RPS6KC1: variants seen among roughly 807,000 people sequenced by gnomAD.
RPS6KC1 encodes the protein ribosomal protein S6 kinase C1, also known as inactive ribosomal protein S6 kinase delta-1.
RPS6KC1 carries 54 observed loss-of-function variants against 103.8 expected under a neutral mutation model. That is an observed-to-expected ratio of 0.52 (90% CI 0.42 to 0.65). The LOEUF (loss-of-function observed/expected upper bound fraction) is 0.65, where lower values mean the gene tolerates loss of function less well. Ranked by LOEUF, RPS6KC1 falls within the 30% of genes least tolerant of loss-of-function variation. The pLI, the probability that RPS6KC1 is intolerant of heterozygous loss-of-function variation, is 0.00. For synonymous variants in RPS6KC1, 439 were observed against 438.7 expected (o/e 1.00, Z -0.01); for missense variants, 1,151 against 1,253.8 (o/e 0.92, Z 1.24).
At chr1:213,472,567 T>C in the RPS6KC1 span, among the ~76,000 whole-genome samples, 3 of 152,228 alleles carry the variant, frequency 2.0e-5, no homozygotes, top group South Asian at 4.1e-4. Context: ...CAATAGTTTT[T>C]AGGGCCTTGG....
the RPS6KC1 span, among the ~76,000 whole-genome samples, chr1:213,850,721 G>A: frequency 6.6e-6 from 1 of 151,120 alleles, no homozygotes; most frequent in Non-Finnish European, 1.5e-5. Flanking sequence ...ATCCATGCTA[G>A]TTGTTTCTCT....
At chr1:213,830,870 C>A in the RPS6KC1 span, among the ~76,000 whole-genome samples, 1 of 152,112 alleles carries the variant, frequency 6.6e-6, no homozygotes, top group Admixed American at 6.5e-5. Context: ...TAGTCATCAC[C>A]TTTCTGGCTC....
the RPS6KC1 span, among the ~76,000 whole-genome samples, chr1:213,381,177 C>T: frequency 3.3e-5 from 5 of 152,204 alleles, no homozygotes; most frequent in Non-Finnish European, 5.9e-5. Context: ...TAAAGAGTGA[C>T]GAGCAGGAAG....
the RPS6KC1 span, among the ~76,000 whole-genome samples, chr1:213,578,637 C>G: frequency 6.6e-6 from 1 of 150,630 alleles, no homozygotes; most frequent in Middle Eastern, 3.2e-3. Context: ...GGTTTAATGA[C>G]TGCCCCACTG....
At chr1:213,206,296 G>A (rs2148629515) in intron 8 of RPS6KC1, among the ~76,000 whole-genome samples, 1 of 152,324 alleles carries the variant, frequency 6.6e-6, no homozygotes. Flanking sequence ...ATCTGACCCA[G>A]TGCATTACAG....
At chr1:213,351,478 C>T in the RPS6KC1 span, among the ~76,000 whole-genome samples, 11 of 152,202 alleles carry the variant, frequency 7.2e-5, no homozygotes, top group African/African-American at 2.4e-4. Context: ...CATCTTTTTG[C>T]CTTGAAAAGT....
At chr1:213,103,837 T>C (rs2082233530) in intron 3 of RPS6KC1, among the ~76,000 whole-genome samples, 1 of 152,238 alleles carries the variant, frequency 6.6e-6, no homozygotes, top group African/African-American at 2.4e-5. Flanking sequence ...TTATGTATCA[T>C]TTAAAAATTC....
At chr1:213,770,690 A>C in the RPS6KC1 span, among the ~76,000 whole-genome samples, 1 of 152,190 alleles carries the variant, frequency 6.6e-6, no homozygotes, top group Non-Finnish European at 1.5e-5. Flanking sequence ...ATGACAACTC[A>C]ATCTGGGTGA....
the RPS6KC1 span, among the ~76,000 whole-genome samples, chr1:213,449,771 C>T: frequency 1.3e-5 from 2 of 152,330 alleles, no homozygotes; most frequent in Admixed American, 6.5e-5. Context: ...CCGTCTCTTT[C>T]TGGAGGAGGA....
chr1:213,267,388 A>G (rs1325075350), intron 14 of RPS6KC1, among the ~76,000 whole-genome samples: 1 of 152,082 alleles, frequency 6.6e-6, no homozygotes, highest in African/African-American at 2.4e-5. Context: ...GAAACAAGTT[A>G]CCAAACAAAG....
chr1:213,606,453 C>T, the RPS6KC1 span, among the ~76,000 whole-genome samples: 1 of 152,196 alleles, frequency 6.6e-6, no homozygotes, highest in South Asian at 2.1e-4. Flanking sequence ...GGCTTCCTTG[C>T]CAAGTCAGGG....
chr1:213,540,844 C>T, the RPS6KC1 span, among the ~76,000 whole-genome samples: 2 of 152,106 alleles, frequency 1.3e-5, no homozygotes, highest in African/African-American at 4.8e-5. Flanking sequence ...ATTCTATATC[C>T]TTTTTTGTCA....
chr1:213,161,568 G>A (rs537218048), intron 6 of RPS6KC1, among the ~76,000 whole-genome samples: 2 of 152,254 alleles, frequency 1.3e-5, no homozygotes, highest in East Asian at 3.9e-4. Flanking sequence ...TGATCCACCT[G>A]CTTTGGCCTC....
Position 213,189,663 on chromosome 1 carries a change from A to T in RPS6KC1, c.1044+13171A>T, listed in dbSNP as rs1558504992. On this transcript the variant is annotated intron_variant, in intron 8 of 14. Transcript: ENST00000366960. ...TCTTTGTGTTACAAATAATCCAGTTATATTCTTTTAGTTATTTAAAAATCT... is the reference window on the plus strand; with the variant it reads ...TCTTTGTGTTACAAATAATCCAGTTTTATTCTTTTAGTTATTTAAAAATCT... Among the ~76,000 whole-genome samples, 5 of 152,134 alleles carry T rather than the reference A, an allele frequency of 3.3e-5. No individual in the cohort carries two copies. In the South Asian group the frequency reaches 1.0e-3, roughly 31 times the overall value.
chr1:213,208,476 C>G (rs1303364373), intron 8 of RPS6KC1, among the ~76,000 whole-genome samples: 1 of 152,114 alleles, frequency 6.6e-6, no homozygotes. Flanking sequence ...GTGTGGAAAT[C>G]TTTCTCATTT....
chr1:213,741,719 C>G, the RPS6KC1 span, among the ~76,000 whole-genome samples: 1 of 152,066 alleles, frequency 6.6e-6, no homozygotes, highest in Non-Finnish European at 1.5e-5. Flanking sequence ...AAGTATGGTG[C>G]CTCCGCCCTT....
At chr1:213,365,141 A>C in the RPS6KC1 span, among the ~76,000 whole-genome samples, 1 of 152,218 alleles carries the variant, frequency 6.6e-6, no homozygotes, top group Non-Finnish European at 1.5e-5. Context: ...AAAATTTCAC[A>C]ACACTTTACC....
chr1:213,825,889 A>C, the RPS6KC1 span, among the ~76,000 whole-genome samples: 2 of 152,254 alleles, frequency 1.3e-5, no homozygotes, highest in African/African-American at 4.8e-5. Flanking sequence ...AGTCTCCCAC[A>C]TAACCTAGTT....
chr1:213,364,772 G>T, the RPS6KC1 span, among the ~76,000 whole-genome samples: 1 of 151,942 alleles, frequency 6.6e-6, no homozygotes, highest in Non-Finnish European at 1.5e-5. Flanking sequence ...TGGTCAACGT[G>T]GTAAAACCGT....
Sources: gnomAD v4.1 joint callset for allele counts (sites outside exome capture counted in the v4.1 genomes callset) on GRCh38, gnomAD v4.1.1 for gene constraint, MANE v1.5 for transcripts, NCBI Gene and HGNC (gene_info 2026-07-23, HGNC 2026-07-21) for gene names.